Variants in CAST observed in about 807,000 individuals in gnomAD.
The protein encoded by CAST is MIR583 host.
CAST carries 76 observed loss-of-function variants against 119.6 expected under a neutral mutation model. The ratio of observed to expected loss-of-function variants is 0.64; its 90% confidence interval spans 0.53 to 0.77. The LOEUF is 0.77. Among genes scored for constraint, CAST ranks in the 30% least tolerant of loss-of-function variants. The pLI is 0.00. For missense variants in CAST, 953 were observed against 946.5 expected, an observed-to-expected ratio of 1.01 and a Z score of -0.09; for synonymous variants, 319 against 331.6, an observed-to-expected ratio of 0.96 and a Z score of 0.41.
chr5:96,198,627 A>T, the CAST span, among the ~76,000 whole-genome samples: 2 of 152,048 alleles, frequency 1.3e-5, no homozygotes, highest in East Asian at 3.9e-4. Flanking sequence ...AATTTTCTTT[A>T]TATGATTTTT....
chr5:96,772,070 C>T (rs27581), intron 31 of CAST: 66,897 of 159,136 alleles, frequency 0.42, 14,472 homozygotes, highest in South Asian at 0.47. Context: ...GTCCTGAAGA[C>T]ATTGGCATTC....
chr5:96,304,913 G>A, the CAST span, among the ~76,000 whole-genome samples: 19 of 152,120 alleles, frequency 1.2e-4, no homozygotes, highest in East Asian at 9.6e-4. Context: ...TTTTTGCTTC[G>A]GCTTTTCTTG....
intron 1 of CAST, among the ~76,000 whole-genome samples, chr5:96,610,775 G>C (rs752008833): frequency 5.3e-5 from 8 of 152,126 alleles, no homozygotes; most frequent in Non-Finnish European, 1.2e-4. Context: ...AAACCCTCAG[G>C]ATTCCTACAA....
chr5:96,699,483 A>G (rs1266692144), intron 3 of CAST, among the ~76,000 whole-genome samples: 1 of 152,242 alleles, frequency 6.6e-6, no homozygotes, highest in Non-Finnish European at 1.5e-5. Flanking sequence ...CAGTAACACT[A>G]TGAGGCTTTC....
chr5:96,599,610 C>T (rs1222606072), intron 1 of CAST, among the ~76,000 whole-genome samples: 1 of 152,004 alleles, frequency 6.6e-6, no homozygotes, highest in Non-Finnish European at 1.5e-5. Flanking sequence ...TGCCTAAGTG[C>T]CAGGTCCCTC....
chr5:95,993,275 T>C, the CAST span, among the ~76,000 whole-genome samples: 2 of 152,322 alleles, frequency 1.3e-5, no homozygotes, highest in South Asian at 2.1e-4. Flanking sequence ...TTAATGTGGA[T>C]TGTAAATTTA....
the CAST span, among the ~76,000 whole-genome samples, chr5:96,346,861 C>T: frequency 6.6e-6 from 1 of 152,076 alleles, no homozygotes; most frequent in South Asian, 2.1e-4. Flanking sequence ...CTCTGTGAGT[C>T]TTTGAATAGT....
the CAST span, among the ~76,000 whole-genome samples, chr5:96,466,382 A>C: frequency 6.6e-6 from 1 of 152,148 alleles, no homozygotes; most frequent in Non-Finnish European, 1.5e-5. Context: ...AGATTTTGAA[A>C]TAAAATGAGT....
intron 1 of CAST, among the ~76,000 whole-genome samples, chr5:96,595,573 C>T (rs1747038329): frequency 6.6e-6 from 1 of 152,048 alleles, no homozygotes; most frequent in African/African-American, 2.4e-5. Flanking sequence ...TAACCAATGC[C>T]AAGGGTGGGA....
chr5:96,774,457 A>T lies in CAST; in HGVS notation c.*1841A>T, dbSNP rs1034010996. On this transcript the variant is annotated 3_prime_UTR_variant, in exon 32 of 32. Transcript: ENST00000675179. ...CAGCCCTTTTTACAGTCTAGTTAGG[A>T]GAGAGAAAATAATTGCAAATATCCA... 7.8e-5 allele frequency: 75 copies of T among 962,152 alleles called. No individual in the cohort carries two copies. The highest frequency in any genetic ancestry group is 9.2e-5 in the Non-Finnish European group (74 of 807,102). 59.6% of individuals were successfully genotyped at this position (962,152 alleles called of 1,614,324 possible). A position where few individuals can be genotyped will look rare whatever the true frequency, so the allele number is the denominator to read the frequency against.
the CAST span, among the ~76,000 whole-genome samples, chr5:96,230,832 T>C: frequency 6.6e-6 from 1 of 152,132 alleles, no homozygotes; most frequent in Non-Finnish European, 1.5e-5. Flanking sequence ...GGGCAGATGA[T>C]AAGAATAGAC....
chr5:96,371,282 T>C, the CAST span, among the ~76,000 whole-genome samples: 2 of 152,174 alleles, frequency 1.3e-5, no homozygotes, highest in African/African-American at 4.8e-5. Context: ...CTGGAAAAGT[T>C]TCCAGAAAGG....
chr5:96,599,973 A>AAAAAAAAAG (rs3064147), intron 1 of CAST, among the ~76,000 whole-genome samples: 10,489 of 90,014 alleles, frequency 0.12, 780 homozygotes, highest in East Asian at 0.32. Flanking sequence ...AGGCAAAAAA[A>AAAAAAAAAG]AAAAAAAAAA....
the CAST span, among the ~76,000 whole-genome samples, chr5:96,152,835 C>T: frequency 6.6e-6 from 1 of 152,170 alleles, no homozygotes; most frequent in Non-Finnish European, 1.5e-5. Flanking sequence ...CCCATTGGTG[C>T]AAAGCAGTAA....
chr5:96,237,734 A>G, the CAST span, among the ~76,000 whole-genome samples: 3,761 of 152,146 alleles, frequency 0.025, 168 homozygotes, highest in African/African-American at 0.086. Context: ...TTATATGTAC[A>G]TATTTTTAAC....
At chr5:96,511,466 A>G in the CAST span, among the ~76,000 whole-genome samples, 107 of 152,246 alleles carry the variant, frequency 7.0e-4, 1 homozygote, top group African/African-American at 2.4e-3. Flanking sequence ...TCTATCCACA[A>G]GGTTTGAAAT....
the CAST span, among the ~76,000 whole-genome samples, chr5:96,130,467 G>C: frequency 4.4e-4 from 66 of 149,750 alleles, no homozygotes; most frequent in African/African-American, 1.5e-3. Context: ...AAAAACCTAA[G>C]GATATTATCT....
chr5:96,320,884 C>T, the CAST span, among the ~76,000 whole-genome samples: 2 of 152,138 alleles, frequency 1.3e-5, no homozygotes, highest in Non-Finnish European at 2.9e-5. Flanking sequence ...ACACCAGCAG[C>T]CTGCAGTCTG....
At chr5:96,103,933 G>C in the CAST span, among the ~76,000 whole-genome samples, 10 of 151,976 alleles carry the variant, frequency 6.6e-5, no homozygotes, top group African/African-American at 1.7e-4. Context: ...GTTTTGATTT[G>C]CATTTCTCTG....
Sources: gnomAD v4.1 joint callset for allele counts (sites outside exome capture counted in the v4.1 genomes callset) on GRCh38, gnomAD v4.1.1 for gene constraint, MANE v1.5 for transcripts, NCBI Gene and HGNC (gene_info 2026-07-23, HGNC 2026-07-21) for gene names.